The following ETNK2 variants were observed in gnomAD, a reference collection of about 807,000 sequenced individuals.
ETNK2 encodes ethanolamine kinase-like protein.
ETNK2 carries 33 observed loss-of-function variants against 46.2 expected under a neutral mutation model. That is an observed-to-expected ratio of 0.71 (90% CI 0.54 to 0.96). The LOEUF is 0.96. Among genes scored for constraint, ETNK2 ranks in the 40% least tolerant of loss-of-function variants. The pLI is 0.00. For synonymous variants in ETNK2, 194 were observed against 209.0 expected (o/e 0.93, Z 0.62); for missense variants, 445 against 509.7 (o/e 0.87, Z 1.22).
intron 3 of ETNK2, among the ~76,000 whole-genome samples, chr1:204,146,094 C>T (rs1657767975): frequency 6.6e-6 from 1 of 152,140 alleles, no homozygotes; most frequent in South Asian, 2.1e-4. Flanking sequence ...GGGGCAGGGT[C>T]CCCAAAGGCA....
In ETNK2 at chr1:204,151,355, G is replaced by A. The variant is rs1360030050; in HGVS notation, c.258+240C>T. The A allele has an allele frequency of 3.4e-6, 2 of 590,176 alleles. No individual in the cohort carries two copies. Among genetic ancestry groups the A allele is most frequent in the South Asian group, 2.1e-5 (1 of 47,808 alleles). 36.6% of individuals were successfully genotyped at this position (590,176 alleles called of 1,614,324 possible). On this transcript the variant is annotated intron_variant, in intron 1 of 7. Coordinates refer to ENST00000367202, the MANE Select transcript of ETNK2 (RefSeq NM_018208.4). This position sits in a 1 kb window ranked among gnomAD's most constrained non-coding sequence, Gnocchi z 8.0. Reference sequence around the variant, plus strand: ...GCAGCATGCCGACAGTGGGCAGGTGGCCACCAGGCGTGCCTAAGAGCCCCG... The same window carrying A: ...GCAGCATGCCGACAGTGGGCAGGTGACCACCAGGCGTGCCTAAGAGCCCCG...
chr1:204,151,430 G>T lies in ETNK2; in HGVS notation c.258+165C>A. ...CAAGGGAGGTGTGAGCCTAGTTTTGGTAGCGACGAAATCAATCCGTACACA... is the reference window on the plus strand; with the variant it reads ...CAAGGGAGGTGTGAGCCTAGTTTTGTTAGCGACGAAATCAATCCGTACACA... On this transcript the variant is annotated intron_variant, in intron 1 of 7. Coordinates refer to ENST00000367202, the MANE Select transcript of ETNK2 (RefSeq NM_018208.4). The surrounding 1 kb of genome is among the most constrained non-coding windows in gnomAD (Gnocchi z 8.0). 1 of 1,037,148 alleles carries T rather than the reference G, an allele frequency of 9.6e-7. No individual in the cohort carries two copies. Among genetic ancestry groups the T allele is most frequent in the Non-Finnish European group, 1.4e-6 (1 of 730,212 alleles). The allele number at this position is 1,037,148 out of a possible 1,614,324, so 64.2% of individuals were successfully genotyped here.
chr1:204,151,869 C>A lies in ETNK2; in HGVS notation c.-17G>T. 1 of 1,421,506 alleles carries A rather than the reference C, an allele frequency of 7.0e-7. No homozygotes were observed. Among genetic ancestry groups the A allele is most frequent in the Non-Finnish European group, 9.1e-7 (1 of 1,093,162 alleles). The allele number at this position is 1,421,506 out of a possible 1,614,324, so 88.1% of individuals were successfully genotyped here. On this transcript the variant is annotated 5_prime_UTR_variant, in exon 1 of 8. Transcript: ENST00000367202. The surrounding 1 kb of genome is among the most constrained non-coding windows in gnomAD (Gnocchi z 8.0). ...CACAGCCATTCCCAGCAGCCCCACC[C>A]CCTCGGAGCCGCGGCAGACGCTAGC...
At chr1:204,139,934 C>A in intron 5 of ETNK2, 101 bp downstream of exon 5, 2 of 925,524 alleles carry the variant, frequency 2.2e-6, no homozygotes, top group South Asian at 1.4e-5. Flanking sequence ...TACCTATTAC[C>A]GTAAATATAC....
In ETNK2 at chr1:204,151,819, C is replaced by T. The variant is rs879472136; in HGVS notation, c.34G>A (p.Ala12Thr). ...AVPPSAPQPR[A>T]SFHLRRHTPC... ...GTGTGCCTCCTCAGGTGAAAGGACGCGCGCGGCTGAGGGGCCGAAGGGGGC... is the reference window on the plus strand; with the variant it reads ...GTGTGCCTCCTCAGGTGAAAGGACGTGCGCGGCTGAGGGGCCGAAGGGGGC... The change falls in exon 1 of 8, where the codon GCG becomes ACG. Residue 12 changes from alanine to threonine, a missense_variant. By Grantham distance (58) the Ala-to-Thr change is moderately conservative. Transcript: ENST00000367202. This position sits in a 1 kb window ranked among gnomAD's most constrained non-coding sequence, Gnocchi z 8.0. The T allele has an allele frequency of 4.1e-5, 60 of 1,479,410 alleles. No homozygotes were observed. Among genetic ancestry groups the T allele is most frequent in the Non-Finnish European group, 5.4e-5 (60 of 1,118,242 alleles). The allele number at this position is 1,479,410 out of a possible 1,614,324, so 91.6% of individuals were successfully genotyped here.
At position 204,149,765 on chromosome 1, in the gene ETNK2, G is replaced by A. The variant is rs1224660809; in HGVS notation, c.456C>T (p.Cys152=). 2 of 1,605,938 alleles carry A rather than the reference G, an allele frequency of 1.2e-6. No individual in the cohort carries two copies. Among genetic ancestry groups the A allele is most frequent in the East Asian group, 2.2e-5 (1 of 44,592 alleles). The part of the protein sequence containing the change: ...KLYCTFQNGL[C]YEYMQGVALE... Reference sequence around the variant, plus strand: ...GGGCCACACCCTGCATGTACTCATAGCACAGCCCATTCTGGAAGGTGCAGT... The same window carrying A: ...GGGCCACACCCTGCATGTACTCATAACACAGCCCATTCTGGAAGGTGCAGT... Residue 152 remains cysteine (C), a synonymous_variant, in exon 2 of 8, where the codon TGC becomes TGT. Coordinates refer to ENST00000367202, the MANE Select transcript of ETNK2 (RefSeq NM_018208.4).
chr1:204,137,495 T>G (rs1024811494), intron 5 of ETNK2, among the ~76,000 whole-genome samples: 3 of 152,168 alleles, frequency 2.0e-5, no homozygotes, highest in Non-Finnish European at 4.4e-5. Context: ...AGAGGTAGAC[T>G]GGTTAAGGGG....
chr1:204,151,887 A>G lies in ETNK2; in HGVS notation c.-35T>C. The G allele has an allele frequency of 7.1e-7, 1 of 1,411,232 alleles. No individual in the cohort carries two copies. Among genetic ancestry groups the G allele is most frequent in the Non-Finnish European group, 9.2e-7 (1 of 1,088,812 alleles). The allele number at this position is 1,411,232 out of a possible 1,614,324, so 87.4% of individuals were successfully genotyped here. Reference sequence around the variant, plus strand: ...CCCCACCCCCTCGGAGCCGCGGCAGACGCTAGCCCCGGCGGGGGGGTCCGG... The same window carrying G: ...CCCCACCCCCTCGGAGCCGCGGCAGGCGCTAGCCCCGGCGGGGGGGTCCGG... On this transcript the variant is annotated 5_prime_UTR_variant, in exon 1 of 8. Transcript: ENST00000367202. This position sits in a 1 kb window ranked among gnomAD's most constrained non-coding sequence, Gnocchi z 8.0.
At chr1:204,139,754 A>T (rs546431394) in intron 5 of ETNK2, among the ~76,000 whole-genome samples, 262 of 152,302 alleles carry the variant, frequency 1.7e-3, no homozygotes, top group African/African-American at 6.1e-3. Flanking sequence ...ACAAACCTAG[A>T]TGGGATAGCC....
At position 204,151,718 on chromosome 1, in the gene ETNK2, G is replaced by C. The variant is rs1253759329; in HGVS notation, c.135C>G (p.Pro45=). The C allele has an allele frequency of 6.5e-7, 1 of 1,540,678 alleles. No homozygotes were observed. The highest frequency in any genetic ancestry group is 1.4e-5 in the African/African-American group (1 of 72,230). ...AGTACGCGACGGCGGCGGCCCTCGG[G>C]GGGCCCGGCGGCTCCCGGCAGCTGG... ...ASASCREPPG[P]PRAAAVAYFG... is the part of the protein sequence containing the mutation. Residue 45 remains proline, a synonymous_variant, in exon 1 of 8, where the codon CCC becomes CCG. Coordinates refer to ENST00000367202, the MANE Select transcript of ETNK2 (RefSeq NM_018208.4). The surrounding 1 kb of genome is among the most constrained non-coding windows in gnomAD (Gnocchi z 8.0).
rs761470297 is a variant in ETNK2 at position 204,137,215 on chromosome 1, C to A, written c.903G>T (p.Ala301=). 6.2e-7 allele frequency: 1 copy of A among 1,613,920 alleles called. No homozygotes were observed. The highest frequency in any genetic ancestry group is 2.2e-5 in the East Asian group (1 of 44,874). The change falls in exon 6 of 8, where the codon GCG becomes GCT. Residue 301 remains alanine, a synonymous_variant. Transcript: ENST00000367202. ...VNEVDYCLYP[A]RETQLQWLHY... is the part of the protein sequence containing the mutation. ...GCAGCCACTGCAGCTGGGTCTCCCG[C>A]GCCGGGTACAGGCAGTAATCCACCT...
chr1:204,132,355 G>A, intron 7 of ETNK2, 99 bp from the exon 8 acceptor site: 1 of 806,302 alleles, frequency 1.2e-6, no homozygotes, highest in Non-Finnish European at 2.1e-6. Flanking sequence ...AGTGGCTCTA[G>A]GCCTATCTAA....
At chr1:204,135,524 C>G (rs1657248584) in intron 6 of ETNK2, among the ~76,000 whole-genome samples, 1 of 152,204 alleles carries the variant, frequency 6.6e-6, no homozygotes. Context: ...GTGAGTCCCC[C>G]AACCCTTGTG....
rs115044319 is a variant in ETNK2, at chr1:204,138,444, G to C, written c.869-1195C>G. 3.9e-3 allele frequency among the ~76,000 whole-genome samples: 597 copies of C among 152,322 alleles called. 4 individuals carry two copies. The highest frequency in any genetic ancestry group is 0.014 in the African/African-American group (564 of 41,568). ...AAAATGCTTAAGAATTATCCCTTGT[G>C]GAAAGGCCAGGGGGCCTTGCAGCCA... On this transcript the variant is annotated intron_variant, in intron 5 of 7. Coordinates refer to ENST00000367202, the MANE Select transcript of ETNK2 (RefSeq NM_018208.4).
rs1657328985 is a variant in ETNK2 at position 204,137,300 on chromosome 1, G to A, written c.869-51C>T. Reference sequence around the variant, plus strand: ...GTTGCTCAGAGATGGGCCCACCAAGGGTCTCCTCAAGCTCAGTAGGTGTTC... The same window carrying A: ...GTTGCTCAGAGATGGGCCCACCAAGAGTCTCCTCAAGCTCAGTAGGTGTTC... On this transcript the variant is annotated intron_variant, in intron 5 of 7. Coordinates refer to ENST00000367202, the MANE Select transcript of ETNK2 (RefSeq NM_018208.4). The A allele has an allele frequency of 1.4e-5, 22 of 1,594,734 alleles. No homozygotes were observed. In the South Asian group the frequency reaches 1.7e-4, roughly 12 times the overall value.
Position 204,143,878 on chromosome 1 carries a change from C to G in ETNK2, c.642-2421G>C, listed in dbSNP as rs187516074. 2.0e-3 allele frequency among the ~76,000 whole-genome samples: 300 copies of G among 152,320 alleles called. 1 individual carries two copies. Among genetic ancestry groups the G allele is most frequent in the African/African-American group, 6.7e-3 (278 of 41,574 alleles). ...CACGTTCTCCCAGCCACTCTGGACA[C>G]ATCCATGTCAGCTTAGGGCTTAGGC... On this transcript the variant is annotated intron_variant, in intron 3 of 7. Coordinates refer to ENST00000367202, the MANE Select transcript of ETNK2 (RefSeq NM_018208.4).
intron 3 of ETNK2, among the ~76,000 whole-genome samples, chr1:204,146,046 A>G (rs1479982167): frequency 1.3e-5 from 2 of 152,146 alleles, no homozygotes; most frequent in Non-Finnish European, 2.9e-5. Context: ...TGGGAAGAGC[A>G]GTGAAGGAAG....
At position 204,151,433 on chromosome 1, in the gene ETNK2, G is replaced by T; in HGVS notation, c.258+162C>A. 9.5e-7 allele frequency: 1 copy of T among 1,052,942 alleles called. No homozygotes were observed. Among genetic ancestry groups the T allele is most frequent in the Non-Finnish European group, 1.3e-6 (1 of 743,052 alleles). 65.2% of individuals were successfully genotyped at this position (1,052,942 alleles called of 1,614,324 possible). A position where few individuals can be genotyped will look rare whatever the true frequency, so the allele number is the denominator to read the frequency against. The stretch of plus-strand genomic sequence containing the variant: ...GGGAGGTGTGAGCCTAGTTTTGGTA[G>T]CGACGAAATCAATCCGTACACAAAC... On this transcript the variant is annotated intron_variant, in intron 1 of 7. Transcript: ENST00000367202. The surrounding 1 kb of genome is among the most constrained non-coding windows in gnomAD (Gnocchi z 8.0).
At chr1:204,137,558 T>C (rs1469620062) in intron 5 of ETNK2, among the ~76,000 whole-genome samples, 1 of 152,160 alleles carries the variant, frequency 6.6e-6, no homozygotes, top group Non-Finnish European at 1.5e-5. Context: ...ACCACTGTCT[T>C]TCCCAACCCC....
Sources: gnomAD v4.1 joint callset for allele counts (sites outside exome capture counted in the v4.1 genomes callset) on GRCh38, gnomAD v4.1.1 for gene constraint, Gnocchi (gnomAD v3.1) non-coding constraint, MANE v1.5 for transcripts, NCBI Gene and HGNC (gene_info 2026-07-23, HGNC 2026-07-21) for gene names.